The following IPMK variants were observed in gnomAD, a reference collection of about 807,000 sequenced individuals.
IPMK encodes inositol polyphosphate multikinase, also known as inositol 1,3,4,6-tetrakisphosphate 5-kinase.
In IPMK, 17 loss-of-function variants were observed where a neutral mutation model predicts 45.8. The ratio of observed to expected loss-of-function variants is 0.37; its 90% confidence interval spans 0.25 to 0.56. The LOEUF (loss-of-function observed/expected upper bound fraction) is 0.56, where lower values mean the gene tolerates loss of function less well. Among genes scored for constraint, IPMK ranks in the 20% least tolerant of loss-of-function variants. IPMK has a pLI of 0.79. For missense variants in IPMK, 399 were observed against 498.0 expected, an observed-to-expected ratio of 0.80 and a Z score of 1.89; for synonymous variants, 180 against 184.3, an observed-to-expected ratio of 0.98 and a Z score of 0.19.
At chr10:58,236,733 C>A (rs2486479) in intron 2 of IPMK, among the ~76,000 whole-genome samples, 73,801 of 151,488 alleles carry the variant, frequency 0.49, 20,646 homozygotes, top group African/African-American at 0.78. Flanking sequence ...GTGAAACCCT[C>A]TCTCTACAAA....
rs1311444466 is a variant in IPMK at position 58,192,125 on chromosome 10, A to C, written c.*3951T>G. On this transcript the variant is annotated 3_prime_UTR_variant, in exon 6 of 6. Transcript: ENST00000373935. ...GAGAATTTAAGTATTAACTCAAAAA[A>C]AGATAGAGGCTCCAAACTTTTCTAA... 1 of 152,058 alleles carries C rather than the reference A, an allele frequency of 6.6e-6. No individual in the cohort carries two copies. The highest frequency in any genetic ancestry group is 1.5e-5 in the Non-Finnish European group (1 of 67,910). The allele number at this position is 152,058 out of a possible 1,614,324, so 9.4% of individuals were successfully genotyped here.
At chr10:58,199,382 C>T in intron 4 of IPMK, 61 bp from the exon 5 acceptor site, 1 of 1,072,014 alleles carries the variant, frequency 9.3e-7, no homozygotes. Flanking sequence ...GGGGTTATCC[C>T]AGCCACAAGG....
intron 3 of IPMK, among the ~76,000 whole-genome samples, chr10:58,217,581 G>A (rs933731020): frequency 3.3e-5 from 5 of 150,730 alleles, no homozygotes; most frequent in Non-Finnish European, 7.4e-5. Context: ...CCAACTACTC[G>A]GGAGGCTGAG....
intron 3 of IPMK, among the ~76,000 whole-genome samples, chr10:58,217,156 CTTTTTTTT>C (rs58314639): frequency 4.9e-5 from 5 of 102,932 alleles, no homozygotes; most frequent in African/African-American, 1.9e-4. Context: ...GCCCATCTTG[CTTTTTTTT>C]TTTTTTTTTT....
At chr10:58,227,846 C>A (rs1436631782) in intron 2 of IPMK, among the ~76,000 whole-genome samples, 1 of 152,042 alleles carries the variant, frequency 6.6e-6, no homozygotes, top group African/African-American at 2.4e-5. Flanking sequence ...GCATGTAAGA[C>A]ATGTTATCCA....
intron 2 of IPMK, among the ~76,000 whole-genome samples, chr10:58,234,920 G>GA (rs1235110909): frequency 6.6e-6 from 1 of 152,058 alleles, no homozygotes; most frequent in African/African-American, 2.4e-5. Flanking sequence ...CTACCCATCT[G>GA]ACAAAGGGCT....
At chr10:58,234,395 T>C (rs1038850956) in intron 2 of IPMK, among the ~76,000 whole-genome samples, 25 of 152,162 alleles carry the variant, frequency 1.6e-4, no homozygotes, top group Non-Finnish European at 2.6e-4. Flanking sequence ...GGGGCCATTA[T>C]GCTACCTGAC....
At chr10:58,211,197 T>TC (rs1216139976) in intron 4 of IPMK, among the ~76,000 whole-genome samples, 3 of 150,442 alleles carry the variant, frequency 2.0e-5, no homozygotes, top group Non-Finnish European at 4.5e-5. Context: ...CCGGTTTTTT[T>TC]TTTTTTTTTT....
At chr10:58,201,674 C>T (rs531897733) in intron 4 of IPMK, among the ~76,000 whole-genome samples, 64 of 152,216 alleles carry the variant, frequency 4.2e-4, no homozygotes, top group Non-Finnish European at 5.7e-4. Flanking sequence ...GGAAATGTCA[C>T]GTCTCTCACT....
At chr10:58,247,138 T>C (rs1838813587) in intron 1 of IPMK, among the ~76,000 whole-genome samples, 1 of 148,012 alleles carries the variant, frequency 6.8e-6, no homozygotes, top group African/African-American at 2.6e-5. Context: ...TGGCAATCAT[T>C]AAAAAGTCAG....
chr10:58,258,956 A>G (rs1839014777), intron 1 of IPMK, among the ~76,000 whole-genome samples: 1 of 152,226 alleles, frequency 6.6e-6, no homozygotes, highest in African/African-American at 2.4e-5. Context: ...TTCAAAATGA[A>G]TAAATATACT....
intron 1 of IPMK, among the ~76,000 whole-genome samples, chr10:58,240,629 T>C (rs899139396): frequency 1.1e-4 from 16 of 148,716 alleles, no homozygotes; most frequent in African/African-American, 3.7e-4. Context: ...ACCAACAGAC[T>C]TGAAATCTAA....
rs368122524 is a variant in IPMK, at chr10:58,267,405, A to C, written c.190+17T>G. ...AGGCGGAAGGGGAGCGGCGAGACCT[A>C]TGCCACCCCCACTTACCCACTTTGT... On this transcript the variant is annotated intron_variant, in intron 1 of 5. Transcript: ENST00000373935. The C allele has an allele frequency of 1.2e-6, 2 of 1,611,982 alleles. No individual in the cohort carries two copies.
At chr10:58,267,262 T>C (rs1169933164) in intron 1 of IPMK, among the ~76,000 whole-genome samples, 160 bp downstream of exon 1, 1 of 152,118 alleles carries the variant, frequency 6.6e-6, no homozygotes, top group East Asian at 1.9e-4. Flanking sequence ...CCCCTTCTGC[T>C]CGAGTGGCGA....
At chr10:58,259,460 TAATGAATG>T (rs138646652) in intron 1 of IPMK, among the ~76,000 whole-genome samples, 20 of 149,724 alleles carry the variant, frequency 1.3e-4, no homozygotes, top group East Asian at 2.0e-4. Context: ...TCCACCTTAA[TAATGAATG>T]AATGAATGAA....
chr10:58,246,209 G>A (rs1427330077), intron 1 of IPMK, among the ~76,000 whole-genome samples: 11 of 148,154 alleles, frequency 7.4e-5, no homozygotes, highest in Admixed American at 2.0e-4. Flanking sequence ...AATCAATATC[G>A]TGAAAATGGC....
intron 3 of IPMK, among the ~76,000 whole-genome samples, chr10:58,222,034 C>T (rs1180219789): frequency 6.6e-6 from 1 of 152,144 alleles, no homozygotes; most frequent in Non-Finnish European, 1.5e-5. Context: ...CAGGCATTAG[C>T]CACTGCACCT....
intron 4 of IPMK, among the ~76,000 whole-genome samples, chr10:58,200,276 A>G (rs1382652961): frequency 6.6e-6 from 1 of 151,902 alleles, no homozygotes; most frequent in Non-Finnish European, 1.5e-5. Context: ...GTGACAATAC[A>G]GCCAGGTAAT....
chr10:58,250,840 G>A (rs1175663345), intron 1 of IPMK, among the ~76,000 whole-genome samples: 1 of 152,132 alleles, frequency 6.6e-6, no homozygotes, highest in Non-Finnish European at 1.5e-5. Flanking sequence ...TTGTTCTGAA[G>A]TATGTTCCTT....
Sources: gnomAD v4.1 joint callset for allele counts (sites outside exome capture counted in the v4.1 genomes callset) on GRCh38, gnomAD v4.1.1 for gene constraint, MANE v1.5 for transcripts, NCBI Gene and HGNC (gene_info 2026-07-23, HGNC 2026-07-21) for gene names.